The following CCDC149 variants were observed in gnomAD, a reference collection of about 807,000 sequenced individuals.
The protein encoded by CCDC149 is coiled-coil domain containing 149, also known as coiled-coil domain-containing protein 149.
A neutral mutation model predicts 59.9 loss-of-function variants in CCDC149; 45 were observed. The ratio of observed to expected loss-of-function variants is 0.75; its 90% CI spans 0.59 to 0.96. The LOEUF (loss-of-function observed/expected upper bound fraction) is 0.96. Ranked by LOEUF, CCDC149 falls within the 40% of genes least tolerant of loss-of-function variation. The probability of loss-of-function intolerance (pLI) is 0.00; values close to 1 mark genes in which losing one functional copy is unlikely to be tolerated. For missense variants in CCDC149, 584 were observed against 664.7 expected (o/e 0.88, Z 1.33); for synonymous variants, 245 against 260.6 (o/e 0.94, Z 0.58).
At chr4:24,883,687 T>C (rs889813681) in intron 1 of CCDC149, among the ~76,000 whole-genome samples, 5 of 152,202 alleles carry the variant, frequency 3.3e-5, no homozygotes, top group South Asian at 2.1e-4. Context: ...AAATGTGCTA[T>C]GTTAAAGGCT....
rs1482906926 is a variant in CCDC149, at chr4:24,952,749, G to A, written c.-65+27320C>T. ...CATTGATATTAAGTACATTCACGTT[G>A]TGCAACCACCACCACCATCCGTCAT... On this transcript the variant is annotated intron_variant, in intron 1 of 12. Transcript: ENST00000389609. Among the ~76,000 whole-genome samples the A allele has an allele frequency of 2.1e-5, 3 of 145,802 alleles. No individual in the cohort carries two copies. In the Admixed American group the frequency reaches 2.1e-4, roughly 10 times the overall value.
intron 3 of CCDC149, among the ~76,000 whole-genome samples, chr4:24,868,337 C>G (rs1285284670): frequency 6.6e-6 from 1 of 152,148 alleles, no homozygotes; most frequent in African/African-American, 2.4e-5. Context: ...TACCCTAAAA[C>G]CAATCACATG....
chr4:24,834,625 G>A (rs1464809269), intron 8 of CCDC149, among the ~76,000 whole-genome samples: 2 of 152,162 alleles, frequency 1.3e-5, no homozygotes, highest in Non-Finnish European at 2.9e-5. Flanking sequence ...ATGGGGTCTA[G>A]TGATTAGAAA....
chr4:24,844,502 G>A (rs1717144030), intron 4 of CCDC149, among the ~76,000 whole-genome samples: 1 of 152,190 alleles, frequency 6.6e-6, no homozygotes. Flanking sequence ...GCCAGGCATG[G>A]TGGCTGACAC....
chr4:24,823,973 T>C (rs1233653957), intron 9 of CCDC149, among the ~76,000 whole-genome samples: 7 of 152,248 alleles, frequency 4.6e-5, no homozygotes, highest in Non-Finnish European at 1.0e-4. Context: ...TCAGACCTTC[T>C]GATCCAAGCT....
At position 24,837,152 on chromosome 4, in the gene CCDC149, G is replaced by C. The variant is rs1716593145; in HGVS notation, c.662+76C>G. Reference sequence around the variant, plus strand: ...AATTTTCTCCAAAATAAATAGGGCTGCAAATAACTCCCAGCCTGCAGGCCT... The same window carrying C: ...AATTTTCTCCAAAATAAATAGGGCTCCAAATAACTCCCAGCCTGCAGGCCT... On this transcript the variant is annotated intron_variant, in intron 6 of 12. Transcript: ENST00000635206. The surrounding 1 kb of genome is among the most constrained non-coding windows in gnomAD (Gnocchi z 4.3). 1 of 1,395,376 alleles carries C rather than the reference G, an allele frequency of 7.2e-7. No homozygotes were observed. The highest frequency in any genetic ancestry group is 2.3e-5 in the Admixed American group (1 of 44,216). The allele number at this position is 1,395,376 out of a possible 1,614,324, so 86.4% of individuals were successfully genotyped here.
At chr4:24,940,129 T>C (rs1335960777) in intron 1 of CCDC149, among the ~76,000 whole-genome samples, 1 of 152,164 alleles carries the variant, frequency 6.6e-6, no homozygotes, top group Middle Eastern at 3.2e-3. Flanking sequence ...GAAAAAATGT[T>C]AAGGGCAGCC....
intron 1 of CCDC149, among the ~76,000 whole-genome samples, chr4:24,910,178 C>T (rs1488799349): frequency 1.3e-5 from 2 of 152,206 alleles, no homozygotes; most frequent in African/African-American, 4.8e-5. Context: ...TGCCATGTGG[C>T]TGCATCACTC....
chr4:24,871,188 C>A (rs1719022930), intron 3 of CCDC149, among the ~76,000 whole-genome samples: 1 of 151,600 alleles, frequency 6.6e-6, no homozygotes, highest in Non-Finnish European at 1.5e-5. Flanking sequence ...AGTAAGCGTG[C>A]TGAATGAATG....
chr4:24,927,701 T>C (rs2047391364), intron 1 of CCDC149, among the ~76,000 whole-genome samples: 2 of 152,306 alleles, frequency 1.3e-5, no homozygotes, highest in African/African-American at 4.8e-5. Flanking sequence ...AACTTCCTTA[T>C]ATTAACTTGA....
intron 1 of CCDC149, among the ~76,000 whole-genome samples, chr4:24,941,462 C>T (rs1282192810): frequency 1.3e-5 from 2 of 152,182 alleles, no homozygotes; most frequent in African/African-American, 4.8e-5. Flanking sequence ...CTAAAATTGA[C>T]ACCCTAACAT....
intron 1 of CCDC149, among the ~76,000 whole-genome samples, chr4:24,890,172 C>G (rs1325697262): frequency 3.3e-5 from 5 of 152,214 alleles, no homozygotes; most frequent in African/African-American, 1.2e-4. Context: ...GCCACTCCCC[C>G]ACTCTGTGCT....
At chr4:24,822,859 C>T in intron 9 of CCDC149, 1 of 243,134 alleles carries the variant, frequency 4.1e-6, no homozygotes, top group Non-Finnish European at 7.8e-6. Flanking sequence ...CCACCGCTGC[C>T]CAAATCATTT....
At position 24,837,529 on chromosome 4, in the gene CCDC149, C is replaced by T; in HGVS notation, c.490-129G>A. On this transcript the variant is annotated intron_variant, in intron 5 of 12. Transcript: ENST00000635206. The surrounding 1 kb of genome is among the most constrained non-coding windows in gnomAD (Gnocchi z 4.3). ...TTAACACTACCCGCATGCCCTAAAG[C>T]CATAAGCGCCACACACTGAAATACA... is the stretch of plus-strand genomic sequence containing the variant. 1 of 737,760 alleles carries T rather than the reference C, an allele frequency of 1.4e-6. No homozygotes were observed. The highest frequency in any genetic ancestry group is 2.2e-6 in the Non-Finnish European group (1 of 451,366). 45.7% of individuals were successfully genotyped at this position (737,760 alleles called of 1,614,324 possible). A position where few individuals can be genotyped will look rare whatever the true frequency, so the allele number is the denominator to read the frequency against.
intron 2 of CCDC149, among the ~76,000 whole-genome samples, chr4:24,875,932 T>C (rs973120387): frequency 1.8e-4 from 27 of 152,108 alleles, no homozygotes; most frequent in Admixed American, 1.4e-3. Context: ...TCAACCATGG[T>C]CCAAACATGT....
upstream of CCDC149, among the ~76,000 whole-genome samples, chr4:24,914,870 C>T (rs948196824): frequency 5.3e-5 from 8 of 152,264 alleles, no homozygotes; most frequent in South Asian, 2.1e-4. Flanking sequence ...AATTTTACAA[C>T]GGACTGGCTG....
At chr4:24,928,786 G>A (rs1429373779) in intron 1 of CCDC149, among the ~76,000 whole-genome samples, 1 of 152,176 alleles carries the variant, frequency 6.6e-6, no homozygotes, top group Non-Finnish European at 1.5e-5. Context: ...GGGCAGAGGT[G>A]TCTTCCTGTC....
intron 3 of CCDC149, among the ~76,000 whole-genome samples, chr4:24,858,325 A>G (rs1319933579): frequency 3.9e-5 from 6 of 152,240 alleles, no homozygotes; most frequent in Non-Finnish European, 8.8e-5. Context: ...AACAAAACCA[A>G]GAGATTCTTT....
chr4:24,860,249 T>C (rs758948404), intron 3 of CCDC149, among the ~76,000 whole-genome samples: 12 of 152,108 alleles, frequency 7.9e-5, no homozygotes, highest in Admixed American at 3.9e-4. Context: ...AACAGCAACA[T>C]AGATCAATGG....
Sources: allele counts gnomAD v4.1 joint callset (sites outside exome capture counted in the v4.1 genomes callset), GRCh38; gene constraint gnomAD v4.1.1; non-coding constraint Gnocchi (gnomAD v3.1); transcripts MANE v1.5; gene names NCBI Gene and HGNC (gene_info 2026-07-23, HGNC 2026-07-21).